Variants in PHF14 observed in about 807,000 individuals in gnomAD.
The protein encoded by PHF14 is PHD finger protein 14.
In PHF14, 55 loss-of-function variants were observed where a neutral mutation model predicts 117.9. The ratio of observed to expected loss-of-function variants is 0.47; its 90% CI spans 0.38 to 0.58. The LOEUF (loss-of-function observed/expected upper bound fraction) is 0.58. Among genes scored for constraint, PHF14 ranks in the 20% least tolerant of loss-of-function variants. The probability of loss-of-function intolerance (pLI) is 0.00; values close to 1 mark genes in which losing one functional copy is unlikely to be tolerated. For missense variants in PHF14, 978 were observed against 1,122.2 expected, an observed-to-expected ratio of 0.87 and a Z score of 1.84; for synonymous variants, 409 against 368.6, an observed-to-expected ratio of 1.11 and a Z score of -1.26.
At chr7:11,138,551 A>G (rs1171764792) in intron 17 of PHF14, among the ~76,000 whole-genome samples, 2 of 152,254 alleles carry the variant, frequency 1.3e-5, no homozygotes, top group African/African-American at 4.8e-5. Context: ...AACTTGTGTT[A>G]ACAGCATCAA....
intron 6 of PHF14, among the ~76,000 whole-genome samples, chr7:11,026,127 A>G (rs1305537980): frequency 4.3e-5 from 6 of 140,926 alleles, no homozygotes; most frequent in African/African-American, 1.6e-4. Context: ...AAAAAAAAAA[A>G]GAGAGAGAAA....
intron 7 of PHF14, among the ~76,000 whole-genome samples, chr7:11,032,484 A>G (rs192977149): frequency 0.027 from 4,040 of 148,622 alleles, 81 homozygotes; most frequent in Non-Finnish European, 0.038. Flanking sequence ...AGTTTTACCC[A>G]GGGAGCTTTG....
intron 11 of PHF14, among the ~76,000 whole-genome samples, chr7:11,040,461 A>G (rs1010342273): frequency 1.3e-5 from 2 of 152,026 alleles, no homozygotes; most frequent in African/African-American, 4.8e-5. Context: ...ACCACTGAAA[A>G]TTGATGAAAG....
In PHF14 at chr7:11,072,818, A is replaced by C. The variant is rs962320337; in HGVS notation, c.2654+10733A>C. On this transcript the variant is annotated intron_variant, in intron 16 of 17. Transcript: ENST00000634607. ...TCTGGTGAGGTCTCAGGAAACTTACAATCATGGTGGAAGGCAAAGGGTGAG... is the reference window on the plus strand; with the variant it reads ...TCTGGTGAGGTCTCAGGAAACTTACCATCATGGTGGAAGGCAAAGGGTGAG... Among the ~76,000 whole-genome samples, 7 of 152,342 alleles carry C rather than the reference A, an allele frequency of 4.6e-5. No homozygotes were observed. The East Asian group carries it at 1.3e-3, about 29-fold the overall frequency.
At chr7:11,043,540 C>T (rs1017603852) in intron 13 of PHF14, among the ~76,000 whole-genome samples, 65 of 152,226 alleles carry the variant, frequency 4.3e-4, no homozygotes, top group African/African-American at 1.5e-3. Flanking sequence ...ATGGTAATCT[C>T]TACAAGAGGT....
intron 5 of PHF14, among the ~76,000 whole-genome samples, chr7:11,020,004 G>T: frequency 6.6e-6 from 1 of 152,048 alleles, no homozygotes; most frequent in East Asian, 1.9e-4. Context: ...ATGAAATATG[G>T]CTTTGAACTA....
At chr7:11,145,590 A>G (rs1788527537) in intron 17 of PHF14, among the ~76,000 whole-genome samples, 1 of 151,968 alleles carries the variant, frequency 6.6e-6, no homozygotes, top group Non-Finnish European at 1.5e-5. Context: ...TAACACTACC[A>G]TTGCCCTAAA....
intron 16 of PHF14, among the ~76,000 whole-genome samples, chr7:11,073,178 G>A (rs780534250): frequency 1.3e-5 from 2 of 151,934 alleles, no homozygotes; most frequent in South Asian, 2.1e-4. Context: ...TCACTCCATC[G>A]TTGATTCAAA....
chr7:10,976,975 A>G (rs1404527567), intron 2 of PHF14, among the ~76,000 whole-genome samples: 1 of 151,498 alleles, frequency 6.6e-6, no homozygotes, highest in Non-Finnish European at 1.5e-5. Flanking sequence ...AAATGATTGT[A>G]TTTAAAATGA....
chr7:11,168,295 G>A (rs1249539103), intron 17 of PHF14, among the ~76,000 whole-genome samples: 2 of 152,042 alleles, frequency 1.3e-5, no homozygotes, highest in African/African-American at 2.4e-5. Context: ...TACTTTCCCA[G>A]TGTTAACAAA....
intron 16 of PHF14, chr7:11,102,471 C>T: frequency 6.2e-7 from 1 of 1,608,596 alleles, no homozygotes; most frequent in South Asian, 1.1e-5. Context: ...CTTTTCTTAT[C>T]ACTTTACTGT....
chr7:11,037,184 T>G (rs1015598637), intron 10 of PHF14, 93 bp downstream of exon 10: 8 of 1,155,060 alleles, frequency 6.9e-6, no homozygotes, highest in Non-Finnish European at 9.5e-6. Flanking sequence ...GTTTTGTTTT[T>G]AATTTCTTCT....
chr7:11,103,703 G>A, intron 16 of PHF14: 1 of 983,982 alleles, frequency 1.0e-6, no homozygotes, highest in Non-Finnish European at 1.2e-6. Flanking sequence ...TAGGAATAGA[G>A]TAGGTAATGT....
At chr7:11,023,523 A>C (rs1783804675) in intron 6 of PHF14, among the ~76,000 whole-genome samples, 1 of 152,198 alleles carries the variant, frequency 6.6e-6, no homozygotes, top group Admixed American at 6.5e-5. Context: ...TCGCTGAGAC[A>C]CAGTGAAATT....
At chr7:11,128,108 C>CT (rs1480592816) in intron 17 of PHF14, among the ~76,000 whole-genome samples, 3 of 152,134 alleles carry the variant, frequency 2.0e-5, no homozygotes, top group South Asian at 2.1e-4. Context: ...TCAACTGTTT[C>CT]TTTTTTGGCC....
intron 16 of PHF14, chr7:11,107,549 G>A (rs1787312077): frequency 1.1e-5 from 10 of 882,152 alleles, no homozygotes; most frequent in African/African-American, 1.8e-5. Context: ...TTTATTAGAG[G>A]CTTAAATGAT....
intron 17 of PHF14, 138 bp downstream of exon 17, chr7:11,111,605 T>A (rs1787449048): frequency 1.9e-6 from 1 of 520,032 alleles, no homozygotes. Flanking sequence ...AAGAATATAT[T>A]GCTATGGTTA....
chr7:11,028,250 C>A (rs1367031025), intron 6 of PHF14, among the ~76,000 whole-genome samples: 1 of 152,090 alleles, frequency 6.6e-6, no homozygotes, highest in African/African-American at 2.4e-5. Flanking sequence ...GAATACCCTA[C>A]TGAAAGTGGA....
intron 3 of PHF14, among the ~76,000 whole-genome samples, chr7:10,983,864 A>G (rs142997630): frequency 7.4e-4 from 112 of 152,294 alleles, no homozygotes; most frequent in African/African-American, 2.1e-3. Flanking sequence ...AAGTTCTACT[A>G]CTGAAAGTTA....
Sources: allele counts gnomAD v4.1 joint callset (sites outside exome capture counted in the v4.1 genomes callset), GRCh38; gene constraint gnomAD v4.1.1; transcripts MANE v1.5; gene names NCBI Gene and HGNC (gene_info 2026-07-23, HGNC 2026-07-21).